The following S100Z variants were observed in gnomAD, a reference collection of about 807,000 sequenced individuals.
S100Z encodes the protein S100 calcium binding protein Z, also known as protein S100-Z.
In S100Z, 11 loss-of-function variants were observed where a neutral mutation model predicts 8.5. That is an observed-to-expected ratio of 1.30 (90% CI 0.82 to 2.15). S100Z has a LOEUF of 2.15. Among genes scored for constraint, S100Z ranks in the 30% most tolerant of loss-of-function variants. The pLI is 0.00. For missense variants in S100Z, 126 were observed against 117.9 expected (o/e 1.07, Z -0.32); for synonymous variants, 34 against 43.8 (o/e 0.78, Z 0.89).
intron 2 of S100Z, among the ~76,000 whole-genome samples, chr5:76,875,079 G>A (rs547476014): frequency 2.6e-4 from 40 of 152,040 alleles, no homozygotes; most frequent in Non-Finnish European, 4.9e-4. Context: ...TTTTAGTAGA[G>A]ACGGGGTTTC....
the S100Z span, among the ~76,000 whole-genome samples, chr5:76,929,908 G>A: frequency 2.4e-3 from 364 of 152,300 alleles, no homozygotes; most frequent in African/African-American, 8.2e-3. Flanking sequence ...CAATTAATAG[G>A]AGCTAACAGA....
At chr5:76,853,517 C>T (rs534986429) in intron 1 of S100Z, among the ~76,000 whole-genome samples, 19 of 152,186 alleles carry the variant, frequency 1.2e-4, no homozygotes, top group South Asian at 6.2e-4. Flanking sequence ...ATCCCCAGGC[C>T]GGATGTGTTG....
the S100Z span, chr5:76,952,706 CTT>C: frequency 5.6e-6 from 1 of 177,994 alleles, no homozygotes; most frequent in Non-Finnish European, 1.2e-5. Context: ...GTGTATGTAA[CTT>C]TGTCACTTTG....
downstream of S100Z, among the ~76,000 whole-genome samples, chr5:76,923,667 A>C (rs1745085513): frequency 6.6e-6 from 1 of 152,194 alleles, no homozygotes; most frequent in South Asian, 2.1e-4. Flanking sequence ...AGGTTTCCTC[A>C]TTCAGCCCAA....
At chr5:76,936,385 A>G in the S100Z span, among the ~76,000 whole-genome samples, 1 of 152,198 alleles carries the variant, frequency 6.6e-6, no homozygotes, top group Non-Finnish European at 1.5e-5. Context: ...GTACATATCT[A>G]AAAGGATAAA....
intron 4 of S100Z, among the ~76,000 whole-genome samples, chr5:76,913,672 C>A (rs553402443): frequency 3.3e-5 from 5 of 152,330 alleles, no homozygotes; most frequent in African/African-American, 1.2e-4. Flanking sequence ...CAAGAGATAA[C>A]AAAATCTATC....
chr5:76,916,414 A>T (rs1160958717), intron 4 of S100Z, among the ~76,000 whole-genome samples: 1 of 152,126 alleles, frequency 6.6e-6, no homozygotes, highest in Non-Finnish European at 1.5e-5. Context: ...ACATAGAAGA[A>T]ATAACATGAC....
intron 4 of S100Z, among the ~76,000 whole-genome samples, chr5:76,898,083 A>G (rs1744102405): frequency 6.6e-6 from 1 of 151,936 alleles, no homozygotes; most frequent in African/African-American, 2.4e-5. Flanking sequence ...AGAGACTTTC[A>G]GTTTTTCCCC....
chr5:76,942,997 T>G, the S100Z span, among the ~76,000 whole-genome samples: 7 of 152,358 alleles, frequency 4.6e-5, no homozygotes, highest in African/African-American at 1.7e-4. Context: ...TGTGAAGTAT[T>G]CAGTGGGGTG....
chr5:76,899,675 T>G (rs535008873), intron 4 of S100Z, among the ~76,000 whole-genome samples: 8 of 152,310 alleles, frequency 5.3e-5, no homozygotes, highest in African/African-American at 1.9e-4. Context: ...TTTTTCTTGT[T>G]TCTATTTATA....
the S100Z span, among the ~76,000 whole-genome samples, chr5:76,933,502 G>A: frequency 6.6e-6 from 1 of 152,196 alleles, no homozygotes; most frequent in South Asian, 2.1e-4. Flanking sequence ...CCCGTGATAT[G>A]CTGCTGAATA....
In S100Z at chr5:76,865,601, A is replaced by G. The variant is rs181618033; in HGVS notation, c.-175-4565A>G. Among the ~76,000 whole-genome samples the G allele has an allele frequency of 4.5e-4, 68 of 152,118 alleles. 1 individual carries two copies. Among genetic ancestry groups the G allele is most frequent in the Admixed American group, 3.8e-3 (58 of 15,286 alleles). ...CAAAGTTAAAAAAAAAATTAAAAAT[A>G]GAAAAAACTTATAGAATAAAAATAT... On this transcript the variant is annotated intron_variant, in intron 1 of 4. Transcript: ENST00000317593.
At chr5:76,927,383 T>C in the S100Z span, among the ~76,000 whole-genome samples, 18 of 152,274 alleles carry the variant, frequency 1.2e-4, no homozygotes, top group African/African-American at 4.3e-4. Flanking sequence ...CAAGTTGTGC[T>C]CTCCCTCTGC....
At chr5:76,860,862 G>A (rs1290816479) in intron 1 of S100Z, among the ~76,000 whole-genome samples, 2 of 151,988 alleles carry the variant, frequency 1.3e-5, no homozygotes, top group East Asian at 3.9e-4. Context: ...CTTTTTGAGA[G>A]GCCACGCATG....
At chr5:76,942,445 C>CAAAAAAAAA in the S100Z span, among the ~76,000 whole-genome samples, 9 of 72,804 alleles carry the variant, frequency 1.2e-4, no homozygotes, top group Non-Finnish European at 2.4e-4. Context: ...AAAAAAAAAG[C>CAAAAAAAAA]AAAAACCTCT....
intron 1 of S100Z, among the ~76,000 whole-genome samples, chr5:76,862,873 A>G (rs1309926583): frequency 6.6e-6 from 1 of 152,166 alleles, no homozygotes; most frequent in African/African-American, 2.4e-5. Flanking sequence ...TGCTTGCTCA[A>G]GTTCACTCCT....
chr5:76,933,767 T>C, the S100Z span, among the ~76,000 whole-genome samples: 1 of 152,222 alleles, frequency 6.6e-6, no homozygotes, highest in African/African-American at 2.4e-5. Context: ...ACCAAAATTT[T>C]AAGTGTACAA....
chr5:76,850,335 G>A (rs11959597), intron 1 of S100Z, among the ~76,000 whole-genome samples, 180 bp downstream of exon 1: 37,731 of 110,034 alleles, frequency 0.34, 6,432 homozygotes, highest in African/African-American at 0.56. Flanking sequence ...GGGGGGTGGG[G>A]GAGAGAGAGA....
intron 4 of S100Z, among the ~76,000 whole-genome samples, chr5:76,897,936 A>G (rs1014827740): frequency 6.6e-6 from 1 of 152,140 alleles, no homozygotes; most frequent in Non-Finnish European, 1.5e-5. Flanking sequence ...AAACAAGGAT[A>G]ATTTAACTTC....
Sources: allele counts gnomAD v4.1 joint callset (sites outside exome capture counted in the v4.1 genomes callset), GRCh38; gene constraint gnomAD v4.1.1; transcripts MANE v1.5; gene names NCBI Gene and HGNC (gene_info 2026-07-23, HGNC 2026-07-21).